Variants in SAMMSON observed in about 807,000 individuals in gnomAD.
SAMMSON encodes survival associated mitochondrial melanoma specific oncogenic non-coding RNA.
intron 2 of SAMMSON, among the ~76,000 whole-genome samples, chr3:70,427,566 C>T (rs973013813): frequency 4.0e-5 from 6 of 151,858 alleles, no homozygotes; most frequent in African/African-American, 1.5e-4. Context: ...GGTGAAACCC[C>T]GTCTCTACTA....
At chr3:70,279,529 G>T (rs1474169993) in intron 6 of SAMMSON, among the ~76,000 whole-genome samples, 1 of 151,928 alleles carries the variant, frequency 6.6e-6, no homozygotes, top group African/African-American at 2.4e-5. Context: ...CTTTCTTCTT[G>T]CCAAATGTGT....
At chr3:70,135,233 G>A (rs578218827) in intron 4 of SAMMSON, among the ~76,000 whole-genome samples, 6 of 152,172 alleles carry the variant, frequency 3.9e-5, no homozygotes, top group Non-Finnish European at 8.8e-5. Context: ...TGACTAATGG[G>A]AATAGCTATT....
chr3:70,045,007 T>C (rs1559779626), intron 3 of SAMMSON, among the ~76,000 whole-genome samples: 1,607 of 124,892 alleles, frequency 0.013, 69 homozygotes, highest in African/African-American at 0.047. Context: ...TAATTAATTA[T>C]ATATATATAA....
rs563171318 is a variant in SAMMSON, at chr3:70,153,014, C to CA, written n.507+81450dup. Among the ~76,000 whole-genome samples the CA allele has an allele frequency of 2.6e-5, 4 of 152,096 alleles. No individual in the cohort carries two copies. In the South Asian group the frequency reaches 8.3e-4, roughly 32 times the overall value. ...GTCTCATGCGATGCGTAAATGTATG[C>CA]AGTCGTCATTCCATTGGCCCTTTAA... is the stretch of plus-strand genomic sequence containing the variant. On this transcript the variant is annotated intron_variant and non_coding_transcript_variant, in intron 4 of 9. Transcript: ENST00000642114.
chr3:70,077,166 A>AT (rs1446356540), intron 4 of SAMMSON, among the ~76,000 whole-genome samples: 1 of 152,124 alleles, frequency 6.6e-6, no homozygotes, highest in Non-Finnish European at 1.5e-5. Context: ...TGATTAAACT[A>AT]TTTTTTTAAA....
chr3:70,258,672 T>C (rs1433236151), intron 6 of SAMMSON, among the ~76,000 whole-genome samples: 1 of 152,156 alleles, frequency 6.6e-6, no homozygotes, highest in Non-Finnish European at 1.5e-5. Context: ...AAAAAGAAAC[T>C]ATGCAGTCAA....
At chr3:70,148,657 A>C (rs2067558587) in intron 4 of SAMMSON, among the ~76,000 whole-genome samples, 1 of 152,008 alleles carries the variant, frequency 6.6e-6, no homozygotes, top group African/African-American at 2.4e-5. Context: ...CAAGAGACAG[A>C]GAAGGGATAG....
chr3:70,003,186 T>C lies in SAMMSON; in HGVS notation n.22+3319T>C, dbSNP rs546857133. Among the ~76,000 whole-genome samples, 5 of 152,226 alleles carry C rather than the reference T, an allele frequency of 3.3e-5. No homozygotes were observed. The South Asian group carries it at 1.0e-3, about 32-fold the overall frequency. The stretch of plus-strand genomic sequence containing the variant: ...CCATTTTGTTAGTTTATATGGCATG[T>C]ATTTTTACTCTTTTTAAAAATATTT... On this transcript the variant is annotated intron_variant and non_coding_transcript_variant, in intron 1 of 9. Coordinates refer to ENST00000642114, the Ensembl canonical transcript of SAMMSON.
intron 2 of SAMMSON, among the ~76,000 whole-genome samples, chr3:70,400,487 AG>A (rs1430898513): frequency 6.6e-6 from 1 of 152,146 alleles, no homozygotes; most frequent in Non-Finnish European, 1.5e-5. Context: ...CCATGAGTTG[AG>A]GCAGTGTAAG....
intron 6 of SAMMSON, among the ~76,000 whole-genome samples, chr3:70,276,177 T>TA (rs1702023785): frequency 6.6e-6 from 1 of 152,190 alleles, no homozygotes; most frequent in Non-Finnish European, 1.5e-5. Context: ...GTTAGGTATA[T>TA]AGCAGGTGTT....
chr3:70,036,302 T>A (rs1181578038), intron 3 of SAMMSON, among the ~76,000 whole-genome samples: 3 of 152,206 alleles, frequency 2.0e-5, no homozygotes, highest in Non-Finnish European at 4.4e-5. Context: ...CTGACTACAG[T>A]GGACATTTAT....
chr3:70,007,788 T>G (rs1268217509), intron 1 of SAMMSON, among the ~76,000 whole-genome samples: 1 of 152,186 alleles, frequency 6.6e-6, no homozygotes, highest in Non-Finnish European at 1.5e-5. Flanking sequence ...AGGTCTAACA[T>G]GTAAGTCTTT....
chr3:70,016,139 A>G (rs1356866710), intron 3 of SAMMSON, among the ~76,000 whole-genome samples: 1 of 152,184 alleles, frequency 6.6e-6, no homozygotes. Flanking sequence ...GAATTGCCAC[A>G]CTGTCTTCCA....
intron 4 of SAMMSON, among the ~76,000 whole-genome samples, chr3:70,189,386 G>C (rs1011683645): frequency 1.3e-5 from 2 of 152,188 alleles, no homozygotes; most frequent in Non-Finnish European, 1.5e-5. Flanking sequence ...CCATGCAAAT[G>C]TGCTGAAAGT....
At chr3:70,027,667 A>G (rs1486420289) in intron 3 of SAMMSON, among the ~76,000 whole-genome samples, 1 of 152,196 alleles carries the variant, frequency 6.6e-6, no homozygotes, top group Non-Finnish European at 1.5e-5. Context: ...CTATGCATTT[A>G]TTCTCTTACA....
intron 3 of SAMMSON, among the ~76,000 whole-genome samples, chr3:70,057,661 T>A (rs921630185): frequency 2.6e-5 from 4 of 151,428 alleles, no homozygotes; most frequent in Non-Finnish European, 4.4e-5. Flanking sequence ...TGGATGAGTG[T>A]GTGTGTGTGT....
At chr3:70,024,713 T>C (rs1184115275) in intron 3 of SAMMSON, 4 of 152,220 alleles carry the variant, frequency 2.6e-5, no homozygotes, top group African/African-American at 9.6e-5. Flanking sequence ...ACAAACCTCA[T>C]CGTAGAAGAC....
chr3:70,372,238 T>C (rs930177734), intron 9 of SAMMSON, among the ~76,000 whole-genome samples: 1 of 152,088 alleles, frequency 6.6e-6, no homozygotes, highest in Non-Finnish European at 1.5e-5. Context: ...TCCATAATTT[T>C]TATTCCTTAA....
chr3:70,409,082 A>T (rs1248688522), intron 2 of SAMMSON, among the ~76,000 whole-genome samples: 1 of 152,108 alleles, frequency 6.6e-6, no homozygotes, highest in Non-Finnish European at 1.5e-5. Context: ...CATGATTCAA[A>T]TTATCTCCCA....
Sources: gnomAD v4.1 joint callset for allele counts (sites outside exome capture counted in the v4.1 genomes callset) on GRCh38, gnomAD v4.1.1 for gene constraint, MANE v1.5 for transcripts, NCBI Gene and HGNC (gene_info 2026-07-23, HGNC 2026-07-21) for gene names.